SCFD2: variants seen among roughly 807,000 people sequenced by gnomAD.
SCFD2 encodes the protein sec1 family domain-containing protein 2.
A neutral mutation model predicts 58.9 loss-of-function variants in SCFD2; 54 were observed. That is an observed-to-expected ratio of 0.92 (90% CI 0.74 to 1.15). The LOEUF (loss-of-function observed/expected upper bound fraction) is 1.15. Ranked by LOEUF, SCFD2 falls within the 50% of genes most tolerant of loss-of-function variation. The pLI, the probability that SCFD2 is intolerant of heterozygous loss-of-function variation, is 0.00. For synonymous variants in SCFD2, 321 were observed against 335.9 expected (o/e 0.96, Z 0.49); for missense variants, 805 against 836.6 (o/e 0.96, Z 0.47).
intron 3 of SCFD2, among the ~76,000 whole-genome samples, chr4:53,296,225 T>C (rs1434381945): frequency 6.6e-6 from 1 of 152,186 alleles, no homozygotes; most frequent in Non-Finnish European, 1.5e-5. Flanking sequence ...CCAGCTCCTC[T>C]TTGTAACTGT....
intron 1 of SCFD2, among the ~76,000 whole-genome samples, chr4:53,356,564 T>A (rs1283398757): frequency 6.6e-6 from 1 of 152,052 alleles, no homozygotes; most frequent in Non-Finnish European, 1.5e-5. Context: ...GAGCTGGCAC[T>A]ACAGCATGCA....
chr4:53,123,526 TG>T (rs916170286), intron 5 of SCFD2, among the ~76,000 whole-genome samples: 9 of 33,550 alleles, frequency 2.7e-4, no homozygotes, highest in East Asian at 9.8e-4. Context: ...TAACATGAGA[TG>T]GGGGTGGGGG....
intron 4 of SCFD2, among the ~76,000 whole-genome samples, chr4:53,242,095 C>T (rs1004289849): frequency 6.6e-6 from 1 of 152,250 alleles, no homozygotes; most frequent in Non-Finnish European, 1.5e-5. Flanking sequence ...CACCCCAGCA[C>T]CCACTAGCAT....
At chr4:53,262,171 C>T (rs1435792636) in intron 4 of SCFD2, among the ~76,000 whole-genome samples, 1 of 151,582 alleles carries the variant, frequency 6.6e-6, no homozygotes, top group Non-Finnish European at 1.5e-5. Context: ...CTCCTGAAGA[C>T]AGCAGAAACT....
At chr4:52,889,246 T>C (rs1319982759) in intron 7 of SCFD2, among the ~76,000 whole-genome samples, 2 of 152,228 alleles carry the variant, frequency 1.3e-5, no homozygotes, top group Non-Finnish European at 2.9e-5. Flanking sequence ...AATACAAATA[T>C]TTATTATTGA....
At chr4:52,974,807 G>A (rs1400380937) in intron 5 of SCFD2, among the ~76,000 whole-genome samples, 1 of 151,978 alleles carries the variant, frequency 6.6e-6, no homozygotes, top group African/African-American at 2.4e-5. Context: ...GCATGGTACT[G>A]GTACCAAAAC....
chr4:53,124,664 C>T (rs1485188208), intron 5 of SCFD2, among the ~76,000 whole-genome samples: 10 of 152,034 alleles, frequency 6.6e-5, no homozygotes. Context: ...CAAATACTTC[C>T]CTCATTAGCT....
rs192499281 is a variant in SCFD2 at position 53,273,989 on chromosome 4, G to A, written c.1148C>T (p.Pro383Leu). The A allele has an allele frequency of 3.6e-5, 58 of 1,608,930 alleles. No homozygotes were observed. The highest frequency in any genetic ancestry group is 5.3e-5 in the African/African-American group (4 of 74,932). The change falls in exon 4 of 9, where the codon CCG becomes CTG. Residue 383 changes from proline to leucine, a missense_variant. Coordinates refer to ENST00000401642, the MANE Select transcript of SCFD2 (RefSeq NM_152540.4). ...CTGAATATAGGACATGAGCTGTCCC[G>A]GTGTGACTCTCCCTGGAAACATAAG... ...PIKMSMGRVTPGQLMSYIQLF... is the reference protein window; with the variant it reads ...PIKMSMGRVTLGQLMSYIQLF...
Position 52,874,007 on chromosome 4 carries a change from A to G in SCFD2, c.2017T>C (p.Phe673Leu). 18 of 1,614,168 alleles carry G rather than the reference A, an allele frequency of 1.1e-5. No homozygotes were observed. The highest frequency in any genetic ancestry group is 1.5e-5 in the Non-Finnish European group (18 of 1,180,000). ...TCTGGATGCAGTCGGTCAGTTGCAA[A>G]TAACAGCTCAGGAATGTTAAGTGGC... ...LKPLNIPELL[F>L]ATDRLHPDLG... Residue 673 changes from phenylalanine (F) to leucine (L), a missense_variant, in exon 9 of 9, where the codon TTT (phenylalanine) becomes CTT (leucine). Physicochemically the swap from Phe to Leu is conservative, Grantham distance 22. Around this residue, in one of 3 missense-constraint regions of SCFD2, gnomAD observed 633 missense variants for 646.8 expected, o/e 0.98. Transcript: ENST00000401642.
chr4:52,896,306 A>G (rs1560473340), intron 7 of SCFD2, among the ~76,000 whole-genome samples: 2 of 152,222 alleles, frequency 1.3e-5, no homozygotes, highest in Non-Finnish European at 2.9e-5. Context: ...TCTAACATTT[A>G]AGTCTTTAAT....
At chr4:53,174,213 CAT>C (rs1727261356) in intron 4 of SCFD2, among the ~76,000 whole-genome samples, 1 of 151,576 alleles carries the variant, frequency 6.6e-6, no homozygotes, top group African/African-American at 2.4e-5. Flanking sequence ...AGGTCTAAAA[CAT>C]GTTTAATTAG....
intron 3 of SCFD2, among the ~76,000 whole-genome samples, chr4:53,308,025 C>T (rs769518390): frequency 1.3e-5 from 2 of 152,172 alleles, no homozygotes; most frequent in African/African-American, 4.8e-5. Flanking sequence ...CTGAAAGTCC[C>T]AGCCCCAGCA....
intron 5 of SCFD2, chr4:52,955,931 A>G (rs1321676736): frequency 2.6e-6 from 1 of 385,992 alleles, no homozygotes; most frequent in East Asian, 7.2e-5. Flanking sequence ...TCCTAAGGAC[A>G]GAAGATAATC....
intron 4 of SCFD2, among the ~76,000 whole-genome samples, chr4:53,168,450 A>ATAT (rs1727080098): frequency 6.6e-6 from 1 of 152,250 alleles, no homozygotes; most frequent in Non-Finnish European, 1.5e-5. Context: ...GTCATGAATG[A>ATAT]GTCAACAGAC....
chr4:53,024,845 G>A (rs1228868817), intron 5 of SCFD2, among the ~76,000 whole-genome samples: 2 of 152,014 alleles, frequency 1.3e-5, no homozygotes, highest in South Asian at 4.2e-4. Context: ...TCAGATTATC[G>A]CAGGGCCCAA....
At chr4:53,362,766 G>T (rs1734582130) in intron 1 of SCFD2, among the ~76,000 whole-genome samples, 1 of 151,898 alleles carries the variant, frequency 6.6e-6, no homozygotes, top group African/African-American at 2.4e-5. Context: ...ACAGAGAAAA[G>T]GAAAAAATGA....
chr4:53,044,332 A>T (rs1397146945), intron 5 of SCFD2, among the ~76,000 whole-genome samples: 1 of 151,854 alleles, frequency 6.6e-6, no homozygotes, highest in Admixed American at 6.6e-5. Flanking sequence ...CCCTGCTCAA[A>T]CTGCAATCCT....
At chr4:53,157,359 C>G (rs546857097) in intron 4 of SCFD2, among the ~76,000 whole-genome samples, 5 of 152,296 alleles carry the variant, frequency 3.3e-5, no homozygotes, top group Non-Finnish European at 5.9e-5. Flanking sequence ...TTACAACTTA[C>G]CTTCAAGTAA....
At chr4:53,116,748 T>C (rs1725330242) in intron 5 of SCFD2, among the ~76,000 whole-genome samples, 2 of 152,228 alleles carry the variant, frequency 1.3e-5, no homozygotes, top group Admixed American at 1.3e-4. Flanking sequence ...TTTTCTTTCA[T>C]ATCTGACAAT....
Sources: gnomAD v4.1 joint callset for allele counts (sites outside exome capture counted in the v4.1 genomes callset) on GRCh38, gnomAD v4.1.1 for gene constraint, gnomAD v4.1.1 regional missense constraint, MANE v1.5 for transcripts, NCBI Gene and HGNC (gene_info 2026-07-23, HGNC 2026-07-21) for gene names.